The following JAKMIP3 variants were observed in gnomAD, a reference collection of about 807,000 sequenced individuals.
JAKMIP3 encodes the protein Janus kinase and microtubule interacting protein 3.
In JAKMIP3, 58 loss-of-function variants were observed where a neutral mutation model predicts 118.5. That is an observed-to-expected ratio of 0.49 (90% CI 0.40 to 0.61). JAKMIP3 has a LOEUF of 0.61. Among genes scored for constraint, JAKMIP3 ranks in the 20% least tolerant of loss-of-function variants. The probability of loss-of-function intolerance (pLI) is 0.00; values close to 1 mark genes in which losing one functional copy is unlikely to be tolerated. For missense variants in JAKMIP3, 950 were observed against 1,109.0 expected, an observed-to-expected ratio of 0.86 and a Z score of 2.04; for synonymous variants, 486 against 451.2, an observed-to-expected ratio of 1.08 and a Z score of -0.98.
At chr10:132,121,673 G>C (rs1166326851) in intron 3 of JAKMIP3, among the ~76,000 whole-genome samples, 1 of 152,180 alleles carries the variant, frequency 6.6e-6, no homozygotes, top group African/African-American at 2.4e-5. Flanking sequence ...TCTGAGTCTG[G>C]GGACGGGCAG....
At position 132,045,351 on chromosome 10, in the gene JAKMIP3, C is replaced by T. The variant is rs144220290; in HGVS notation, c.-138+8613C>T. ...CTTCCTGATGTGATTTTGGGCGCGTCTCTGTCTCCCCGGCAGATTTTAAGC... is the reference window on the plus strand; with the variant it reads ...CTTCCTGATGTGATTTTGGGCGCGTTTCTGTCTCCCCGGCAGATTTTAAGC... On this transcript the variant is annotated intron_variant, in intron 1 of 23. Transcript: ENST00000657785. 1.2e-3 allele frequency among the ~76,000 whole-genome samples: 178 copies of T among 152,284 alleles called. 1 individual carries two copies. Among genetic ancestry groups the T allele is most frequent in the Admixed American group, 3.1e-3 (47 of 15,302 alleles).
At chr10:132,162,960 C>T (rs922590625) in intron 19 of JAKMIP3, among the ~76,000 whole-genome samples, 2 of 152,214 alleles carry the variant, frequency 1.3e-5, no homozygotes, top group Admixed American at 6.5e-5. Flanking sequence ...AGTCCTCCCC[C>T]ACTCTGGGGT....
intron 16 of JAKMIP3, 85 bp from the exon 17 acceptor site, chr10:132,152,873 G>A (rs1480806155): frequency 8.9e-7 from 1 of 1,121,332 alleles, no homozygotes; most frequent in African/African-American, 1.5e-5. Flanking sequence ...AGCCTCCCCA[G>A]TCAGCTTCCC....
intron 1 of JAKMIP3, among the ~76,000 whole-genome samples, chr10:132,058,721 C>T (rs1230538883): frequency 6.6e-6 from 1 of 152,234 alleles, no homozygotes; most frequent in African/African-American, 2.4e-5. Flanking sequence ...TGGAAAATCA[C>T]AGGTTGTCTT....
rs992214568 is a variant in JAKMIP3, at chr10:132,152,892, C to T, written c.2008-66C>T. On this transcript the variant is annotated intron_variant, in intron 16 of 23. Coordinates refer to ENST00000684848, the MANE Select transcript of JAKMIP3 (RefSeq NM_001323087.2). Reference sequence around the variant, plus strand: ...TCCCCAGTCAGCTTCCCCATGCATCCATCACTCACCCTCACCCCCAAAGGC... The same window carrying T: ...TCCCCAGTCAGCTTCCCCATGCATCTATCACTCACCCTCACCCCCAAAGGC... 35 of 1,294,902 alleles carry T rather than the reference C, an allele frequency of 2.7e-5. No homozygotes were observed. In the South Asian group the frequency reaches 4.1e-4, roughly 15 times the overall value. The allele number at this position is 1,294,902 out of a possible 1,614,324, so 80.2% of individuals were successfully genotyped here. A position where few individuals can be genotyped will look rare whatever the true frequency, so the allele number is the denominator to read the frequency against.
chr10:132,148,684 C>T (rs1390506170), intron 14 of JAKMIP3, among the ~76,000 whole-genome samples: 2 of 152,246 alleles, frequency 1.3e-5, no homozygotes, highest in African/African-American at 4.8e-5. Context: ...GGCCCTGTGT[C>T]CTCTGCCATG....
rs536781034 is a variant in JAKMIP3, at chr10:132,167,836, G to GCCCTCGC, written c.*23-104_*23-98dup. ...CTCACCCCTCGGCCCTCACCCCTCG[G>GCCCTCGC]CCCTCGCCCCTCGCCCCTCACCCCT... On this transcript the variant is annotated intron_variant, in intron 22 of 23. Coordinates refer to ENST00000684848, the MANE Select transcript of JAKMIP3 (RefSeq NM_001323087.2). 517 of 535,032 alleles carry GCCCTCGC rather than the reference G, an allele frequency of 9.7e-4. 2 individuals are homozygous for GCCCTCGC. The East Asian group carries it at 0.013, about 13-fold the overall frequency. 33.1% of individuals were successfully genotyped at this position (535,032 alleles called of 1,614,324 possible). A position where few individuals can be genotyped will look rare whatever the true frequency, so the allele number is the denominator to read the frequency against.
chr10:132,080,821 A>G (rs2041671055), intron 1 of JAKMIP3, among the ~76,000 whole-genome samples: 1 of 152,096 alleles, frequency 6.6e-6, no homozygotes, highest in South Asian at 2.1e-4. Context: ...TGCCCGGCCA[A>G]GTTATAGGAA....
intron 3 of JAKMIP3, among the ~76,000 whole-genome samples, chr10:132,123,544 T>A (rs2048924678): frequency 6.6e-6 from 1 of 152,104 alleles, no homozygotes; most frequent in Non-Finnish European, 1.5e-5. Context: ...TCTCCCCAAG[T>A]GCTATTTTGG....
intron 16 of JAKMIP3, 51 bp from the exon 17 acceptor site, chr10:132,152,907 C>A: frequency 6.9e-7 from 1 of 1,441,786 alleles, no homozygotes; most frequent in Non-Finnish European, 9.6e-7. Context: ...CTCACCCTCA[C>A]CCCCAAAGGC....
chr10:132,142,759 C>T (rs1490708999), intron 11 of JAKMIP3, among the ~76,000 whole-genome samples: 2 of 152,192 alleles, frequency 1.3e-5, no homozygotes, highest in Admixed American at 6.5e-5. Context: ...TGGTACCCCT[C>T]ACAGCGAGAC....
intron 2 of JAKMIP3, among the ~76,000 whole-genome samples, chr10:132,106,572 G>A (rs1345696879): frequency 1.3e-5 from 2 of 152,174 alleles, no homozygotes; most frequent in South Asian, 2.1e-4. Flanking sequence ...CTCGCTTCTC[G>A]GATACCAGAA....
In JAKMIP3 at chr10:132,135,990, C is replaced by A. The variant is rs936967410; in HGVS notation, c.1030C>A (p.Leu344Ile). 4 of 1,613,556 alleles carry A rather than the reference C, an allele frequency of 2.5e-6. No homozygotes were observed. The highest frequency in any genetic ancestry group is 1.7e-6 in the Non-Finnish European group (2 of 1,179,822). Residue 344 changes from leucine to isoleucine, a missense_variant, in exon 6 of 24, where the codon CTC becomes ATC. By Grantham distance (5) the Leu-to-Ile change is conservative. Coordinates refer to ENST00000684848, the MANE Select transcript of JAKMIP3 (RefSeq NM_001323087.2). Reference sequence around the variant, plus strand: ...GCCTCTGCTGGATAAAAACAAGCGCCTCAGTCGGAAGAACGAGGATTTGTC... The same window carrying A: ...GCCTCTGCTGGATAAAAACAAGCGCATCAGTCGGAAGAACGAGGATTTGTC... ...YKPLLDKNKR[L>I]SRKNEDLSHA...
intron 1 of JAKMIP3, among the ~76,000 whole-genome samples, chr10:132,040,237 AG>A (rs2037688698): frequency 1.3e-5 from 2 of 152,216 alleles, no homozygotes; most frequent in Non-Finnish European, 2.9e-5. Context: ...CAGGGCACAG[AG>A]GCAGCTCTGT....
rs1460701674 is a variant in JAKMIP3, at chr10:132,104,797, T to A, written c.-12T>A. 1 of 1,549,000 alleles carries A rather than the reference T, an allele frequency of 6.5e-7. No individual in the cohort carries two copies. On this transcript the variant is annotated 5_prime_UTR_variant, in exon 2 of 24. Coordinates refer to ENST00000684848, the MANE Select transcript of JAKMIP3 (RefSeq NM_001323087.2). ...CTACCCCTGGGCATCCCCCTGGCCA[T>A]CCAGCCTCACCATGTCCAAGAGGGG...
Position 132,153,041 on chromosome 10 carries a change from G to T in JAKMIP3, c.2073+18G>T. ...CCGAAAAGGTAACAGCAGCTGTGTG[G>T]ACAGTCGGGAGAGGGCCGGGCTCCT... is the stretch of plus-strand genomic sequence containing the variant. On this transcript the variant is annotated intron_variant, in intron 17 of 23. Coordinates refer to ENST00000684848, the MANE Select transcript of JAKMIP3 (RefSeq NM_001323087.2). The T allele has an allele frequency of 6.3e-7, 1 of 1,597,136 alleles. No individual in the cohort carries two copies. Among genetic ancestry groups the T allele is most frequent in the South Asian group, 1.1e-5 (1 of 88,270 alleles).
chr10:132,046,045 C>G (rs568499041), intron 1 of JAKMIP3, among the ~76,000 whole-genome samples: 24 of 152,110 alleles, frequency 1.6e-4, no homozygotes, highest in Non-Finnish European at 2.9e-4. Flanking sequence ...ACCTGTGTAA[C>G]CCACACCCGG....
chr10:132,129,746 C>T (rs1230350395), intron 3 of JAKMIP3, among the ~76,000 whole-genome samples: 1 of 152,116 alleles, frequency 6.6e-6, no homozygotes, highest in Non-Finnish European at 1.5e-5. Context: ...GCACTGCTTT[C>T]CTTTTCTCCT....
chr10:132,050,390 C>T (rs984424861), intron 1 of JAKMIP3, among the ~76,000 whole-genome samples: 1 of 152,182 alleles, frequency 6.6e-6, no homozygotes, highest in Admixed American at 6.5e-5. Context: ...TCCAATGGAC[C>T]CTTCATCGCT....
Sources: gnomAD v4.1 joint callset for allele counts (sites outside exome capture counted in the v4.1 genomes callset) on GRCh38, gnomAD v4.1.1 for gene constraint, MANE v1.5 for transcripts, NCBI Gene and HGNC (gene_info 2026-07-23, HGNC 2026-07-21) for gene names.